Variants in PLCL1 observed in about 807,000 individuals in gnomAD.
PLCL1 encodes the protein inactive phospholipase C-like protein 1.
In PLCL1, 41 loss-of-function variants were observed where a neutral mutation model predicts 84.4. The observed-to-expected ratio is 0.49, with a 90% CI of 0.38 to 0.63. PLCL1 has a LOEUF of 0.63. Ranked by LOEUF, PLCL1 falls within the 30% of genes least tolerant of loss-of-function variation. The pLI is 0.00. For synonymous variants in PLCL1, 490 were observed against 488.3 expected (o/e 1.00, Z -0.05); for missense variants, 1,206 against 1,367.8 (o/e 0.88, Z 1.87).
intron 1 of PLCL1, among the ~76,000 whole-genome samples, chr2:198,044,910 A>T (rs1319574680): frequency 6.6e-6 from 1 of 152,136 alleles, no homozygotes; most frequent in Non-Finnish European, 1.5e-5. Flanking sequence ...CAGCAAGCAA[A>T]GGTGTTAGAA....
At chr2:197,925,272 T>C (rs1459216452) in intron 1 of PLCL1, among the ~76,000 whole-genome samples, 2 of 152,196 alleles carry the variant, frequency 1.3e-5, no homozygotes, top group Non-Finnish European at 2.9e-5. Flanking sequence ...GTTTATGTGC[T>C]ATAGAAGTAT....
Position 197,937,705 on chromosome 2 carries a change from T to C in PLCL1, c.240+132366T>C, listed in dbSNP as rs536328805. On this transcript the variant is annotated intron_variant, in intron 1 of 5. Coordinates refer to ENST00000428675, the MANE Select transcript of PLCL1 (RefSeq NM_006226.4). ...ACATTTTAAAAATAAACCTTAGACA[T>C]AGAATTTTGAAAACAAACATAAACT... Among the ~76,000 whole-genome samples, 33 of 152,282 alleles carry C rather than the reference T, an allele frequency of 2.2e-4. No individual in the cohort carries two copies. The East Asian group carries it at 4.2e-3, about 20-fold the overall frequency.
chr2:197,965,966 C>A (rs993112249), intron 1 of PLCL1, among the ~76,000 whole-genome samples: 1 of 152,040 alleles, frequency 6.6e-6, no homozygotes, highest in Non-Finnish European at 1.5e-5. Context: ...CTATTCAGGG[C>A]CCAAGGGCTC....
intron 1 of PLCL1, among the ~76,000 whole-genome samples, chr2:197,825,626 GC>G (rs372176626): frequency 2.3e-3 from 344 of 152,222 alleles, no homozygotes; most frequent in African/African-American, 7.9e-3. Flanking sequence ...AGGGAATCTT[GC>G]CCTGAGTTAA....
At chr2:197,953,874 G>A (rs1481142944) in intron 1 of PLCL1, among the ~76,000 whole-genome samples, 1 of 143,600 alleles carries the variant, frequency 7.0e-6, no homozygotes. Flanking sequence ...CTAAAATATT[G>A]CTCTATTTTT....
At chr2:198,113,880 T>A (rs1398594236) in intron 5 of PLCL1, among the ~76,000 whole-genome samples, 1 of 151,798 alleles carries the variant, frequency 6.6e-6, no homozygotes, top group African/African-American at 2.4e-5. Context: ...AAATATAATC[T>A]GCAGCGAAGT....
At chr2:197,852,275 C>T (rs1687254659) in intron 1 of PLCL1, among the ~76,000 whole-genome samples, 1 of 152,156 alleles carries the variant, frequency 6.6e-6, no homozygotes, top group Non-Finnish European at 1.5e-5. Context: ...GATGGCACTG[C>T]TGTGTGCTGC....
intron 1 of PLCL1, among the ~76,000 whole-genome samples, chr2:198,067,198 G>A (rs1482860351): frequency 6.9e-6 from 1 of 145,632 alleles, no homozygotes; most frequent in Non-Finnish European, 1.5e-5. Context: ...GCTCAATCTC[G>A]GCTCACTGCA....
At chr2:197,941,249 GC>G in intron 1 of PLCL1, among the ~76,000 whole-genome samples, 1 of 151,916 alleles carries the variant, frequency 6.6e-6, no homozygotes, top group East Asian at 1.9e-4. Context: ...GGAAGCAAGT[GC>G]CCCCATGCAC....
chr2:198,084,012 G>T lies in PLCL1; in HGVS notation c.495G>T (p.Glu165Asp), dbSNP rs1297667404. Residue 165 changes from glutamate to aspartate, a missense_variant, in exon 2 of 6, where the codon GAG becomes GAT. Transcript: ENST00000428675. ...KAKLDISAIK[E>D]IRLGKNTETF... The stretch of plus-strand genomic sequence containing the variant: ...AGCTTGATATTTCTGCCATAAAAGA[G>T]ATCAGACTGGGGAAAAACACGGAAA... 6.2e-7 allele frequency: 1 copy of T among 1,614,158 alleles called. No individual in the cohort carries two copies. The highest frequency in any genetic ancestry group is 8.5e-7 in the Non-Finnish European group (1 of 1,180,018).
intron 1 of PLCL1, among the ~76,000 whole-genome samples, chr2:197,991,690 T>C (rs1690349102): frequency 6.6e-6 from 1 of 152,164 alleles, no homozygotes; most frequent in Non-Finnish European, 1.5e-5. Context: ...AGTTAAAGCT[T>C]CCCCTTTCTC....
Position 198,020,337 on chromosome 2 carries a change from G to A in PLCL1, c.241-63421G>A, listed in dbSNP as rs76452213. 1.5e-3 allele frequency among the ~76,000 whole-genome samples: 232 copies of A among 152,124 alleles called. 8 individuals carry two copies. The East Asian group carries it at 0.038, about 25-fold the overall frequency. ...ATGAAGAAACTACATCAACTAATCGGAAAATAACCAGCTAGCATTATAATG... is the reference window on the plus strand; with the variant it reads ...ATGAAGAAACTACATCAACTAATCGAAAAATAACCAGCTAGCATTATAATG... On this transcript the variant is annotated intron_variant, in intron 1 of 5. Coordinates refer to ENST00000428675, the MANE Select transcript of PLCL1 (RefSeq NM_006226.4).
intron 1 of PLCL1, among the ~76,000 whole-genome samples, chr2:197,930,450 T>C (rs1045361429): frequency 2.6e-5 from 4 of 152,220 alleles, no homozygotes; most frequent in Admixed American, 2.0e-4. Context: ...GGTTCTTTTA[T>C]ACTTGATGAC....
chr2:198,011,857 T>C (rs1690875964), intron 1 of PLCL1, among the ~76,000 whole-genome samples: 1 of 152,148 alleles, frequency 6.6e-6, no homozygotes. Context: ...CATTATACAG[T>C]ATTCTTCGTT....
intron 5 of PLCL1, among the ~76,000 whole-genome samples, chr2:198,119,107 T>A (rs1321010408): frequency 1.3e-5 from 2 of 151,992 alleles, no homozygotes; most frequent in Non-Finnish European, 2.9e-5. Flanking sequence ...TTAACTTTGA[T>A]TGGTTTTGAC....
intron 1 of PLCL1, among the ~76,000 whole-genome samples, chr2:197,947,582 A>G (rs934771953): frequency 2.6e-5 from 4 of 152,164 alleles, no homozygotes; most frequent in African/African-American, 9.7e-5. Context: ...TAGGCTGGGA[A>G]TGTGCAAAGT....
intron 1 of PLCL1, among the ~76,000 whole-genome samples, chr2:197,963,858 A>T (rs1160331678): frequency 6.6e-6 from 1 of 152,094 alleles, no homozygotes; most frequent in Admixed American, 6.6e-5. Context: ...TCCTTTCCCC[A>T]ATGTATGTTT....
chr2:198,127,302 G>T (rs1357180263), intron 5 of PLCL1, among the ~76,000 whole-genome samples: 1 of 152,086 alleles, frequency 6.6e-6, no homozygotes, highest in African/African-American at 2.4e-5. Context: ...AATACCAACA[G>T]ATTATTTAAA....
At position 197,804,644 on chromosome 2, in the gene PLCL1, C is replaced by A; in HGVS notation, c.-456C>A. The stretch of plus-strand genomic sequence containing the variant: ...GCCGCACTTCCTGGGACCGCTGCGC[C>A]GCAGTCCGCGGGCAGGTGGCGGGTG... On this transcript the variant is annotated 5_prime_UTR_variant, in exon 1 of 6. Coordinates refer to ENST00000428675, the MANE Select transcript of PLCL1 (RefSeq NM_006226.4). 1 of 151,850 alleles carries A rather than the reference C, an allele frequency of 6.6e-6. No homozygotes were observed. The highest frequency in any genetic ancestry group is 1.9e-4 in the South Asian group (1 of 5,172). 9.4% of individuals were successfully genotyped at this position (151,850 alleles called of 1,614,324 possible).
Sources: gnomAD v4.1 joint callset for allele counts (sites outside exome capture counted in the v4.1 genomes callset) on GRCh38, gnomAD v4.1.1 for gene constraint, MANE v1.5 for transcripts, NCBI Gene and HGNC (gene_info 2026-07-23, HGNC 2026-07-21) for gene names.